The following USH2A variants were observed in gnomAD, a reference collection of about 807,000 sequenced individuals.
The protein encoded by USH2A is usherin, also known as Usher syndrome 2A (autosomal recessive, mild).
USH2A carries 443 observed loss-of-function variants against 538.9 expected under a neutral mutation model. The ratio of observed to expected loss-of-function variants is 0.82; its 90% CI spans 0.76 to 0.89. USH2A has a LOEUF of 0.89. Ranked by LOEUF, USH2A falls within the 40% of genes least tolerant of loss-of-function variation. USH2A has a pLI of 0.00. For missense variants in USH2A, 6,633 were observed against 6,324.8 expected, an observed-to-expected ratio of 1.05 and a Z score of -1.65; for synonymous variants, 2,413 against 2,273.5, an observed-to-expected ratio of 1.06 and a Z score of -1.75.
chr1:215,935,180 G>A (rs1666462931), intron 37 of USH2A, among the ~76,000 whole-genome samples: 1 of 151,878 alleles, frequency 6.6e-6, no homozygotes. Context: ...AAAAATCCCT[G>A]AATTTTTTTG....
chr1:215,901,031 CATTTA>C, intron 38 of USH2A, 126 bp from the exon 39 acceptor site: 1 of 1,160,114 alleles, frequency 8.6e-7, no homozygotes, highest in South Asian at 1.3e-5. Context: ...AAACATGGTC[CATTTA>C]ATTTAACATT....
chr1:216,088,969 C>T lies in USH2A; in HGVS notation c.4885+44G>A, dbSNP rs776157332. On this transcript the variant is annotated intron_variant, in intron 23 of 71. Coordinates refer to ENST00000307340, the MANE Select transcript of USH2A (RefSeq NM_206933.4). ...AAACAACAGAAAAGTATGGCAACAC[C>T]AACATATCAACAGGGCTATTTATAC... The T allele has an allele frequency of 1.5e-5, 24 of 1,610,696 alleles. 1 individual carries two copies. Among genetic ancestry groups the T allele is most frequent in the Non-Finnish European group, 1.8e-5 (21 of 1,178,160 alleles).
At chr1:216,365,719 C>G (rs2038583948) in intron 3 of USH2A, among the ~76,000 whole-genome samples, 1 of 151,810 alleles carries the variant, frequency 6.6e-6, no homozygotes, top group Non-Finnish European at 1.5e-5. Flanking sequence ...GTTTTTTTCT[C>G]TGCAAGTCAA....
At chr1:215,972,582 A>G (rs949141478) in intron 35 of USH2A, among the ~76,000 whole-genome samples, 2 of 152,160 alleles carry the variant, frequency 1.3e-5, no homozygotes, top group African/African-American at 2.4e-5. Context: ...TCTTATACCA[A>G]TCAGATCTAG....
chr1:215,944,880 T>G (rs185339080), intron 37 of USH2A, among the ~76,000 whole-genome samples: 1 of 152,192 alleles, frequency 6.6e-6, no homozygotes. Flanking sequence ...CTAGTGAAAA[T>G]TAGTAAATGG....
At chr1:216,071,305 A>G (rs1368146394) in intron 29 of USH2A, among the ~76,000 whole-genome samples, 1 of 152,186 alleles carries the variant, frequency 6.6e-6, no homozygotes, top group Non-Finnish European at 1.5e-5. Flanking sequence ...GAAACACCAA[A>G]GGGGAGAACC....
chr1:216,187,343 C>A (rs1325185199), intron 20 of USH2A, among the ~76,000 whole-genome samples: 2 of 151,754 alleles, frequency 1.3e-5, no homozygotes, highest in Non-Finnish European at 2.9e-5. Context: ...AAATAGTAAG[C>A]CCTCAAGAGA....
chr1:216,050,566 T>TTC (rs1466107779), intron 30 of USH2A, among the ~76,000 whole-genome samples: 1 of 37,338 alleles, frequency 2.7e-5, no homozygotes, highest in African/African-American at 9.5e-5. Flanking sequence ...ATCTTTTTCT[T>TTC]TCTTTCTTTC....
intron 14 of USH2A, among the ~76,000 whole-genome samples, chr1:216,220,300 T>C (rs544630607): frequency 1.3e-5 from 2 of 151,446 alleles, no homozygotes; most frequent in East Asian, 1.9e-4. Context: ...ATAACATTCA[T>C]TGAGGGCCAG....
chr1:216,191,084 T>C (rs1388543031), intron 19 of USH2A, among the ~76,000 whole-genome samples: 1 of 152,014 alleles, frequency 6.6e-6, no homozygotes, highest in African/African-American at 2.4e-5. Flanking sequence ...TGAGAGTTGG[T>C]TCTGTCATTA....
chr1:215,854,656 T>G (rs1411672253), intron 44 of USH2A, among the ~76,000 whole-genome samples: 1 of 152,182 alleles, frequency 6.6e-6, no homozygotes, highest in African/African-American at 2.4e-5. Flanking sequence ...CACGGCAAAG[T>G]GCACGGAGCT....
At chr1:215,681,255 A>C (rs1037622311) in intron 61 of USH2A, among the ~76,000 whole-genome samples, 2 of 152,078 alleles carry the variant, frequency 1.3e-5, no homozygotes, top group Non-Finnish European at 2.9e-5. Context: ...CTGGACTGAA[A>C]GGATATGTCC....
rs777267938 is a variant in USH2A, at chr1:215,728,078, G to A, written c.12018C>T (p.Pro4006=). The stretch of plus-strand genomic sequence containing the variant: ...TAGGGCTGTTAAATGTAGGATCGTC[G>A]GGTCTCTCCTGGTAGACCACACGGT... ...SHYRVVYQER[P]DDPTFNSPTV... The change falls in exon 61 of 72, where the codon CCC becomes CCT. Residue 4006 remains proline, a synonymous_variant. Transcript: ENST00000307340. The A allele has an allele frequency of 1.1e-5, 17 of 1,613,984 alleles. No homozygotes were observed. Among genetic ancestry groups the A allele is most frequent in the African/African-American group, 4.0e-5 (3 of 74,878 alleles).
chr1:215,650,288 TAATTAAATTA>T (rs758992047), intron 65 of USH2A, among the ~76,000 whole-genome samples: 2 of 152,222 alleles, frequency 1.3e-5, no homozygotes, highest in Non-Finnish European at 2.9e-5. Context: ...ATCTGTTTTC[TAATTAAATTA>T]AATTAAATTA....
At chr1:215,789,835 G>T (rs2102769600) in intron 51 of USH2A, among the ~76,000 whole-genome samples, 1 of 152,168 alleles carries the variant, frequency 6.6e-6, no homozygotes, top group East Asian at 1.9e-4. Flanking sequence ...CTGAAGTGCT[G>T]GGTAAAGCTT....
intron 62 of USH2A, among the ~76,000 whole-genome samples, chr1:215,676,784 C>CT (rs888787748): frequency 6.6e-6 from 1 of 152,042 alleles, no homozygotes; most frequent in Admixed American, 6.6e-5. Context: ...CTGTGACCCC[C>CT]CAAGCACCCC....
chr1:216,241,446 T>C (rs1020438111), intron 13 of USH2A, among the ~76,000 whole-genome samples: 2 of 152,168 alleles, frequency 1.3e-5, no homozygotes, highest in Non-Finnish European at 2.9e-5. Context: ...ATAATAATAC[T>C]AAATTTTCTT....
intron 65 of USH2A, among the ~76,000 whole-genome samples, chr1:215,649,381 C>T (rs1656972554): frequency 1.3e-5 from 2 of 152,140 alleles, no homozygotes; most frequent in African/African-American, 4.8e-5. Context: ...TTTTTAACCT[C>T]ATTGTGGTTT....
intron 15 of USH2A, among the ~76,000 whole-genome samples, chr1:216,213,711 C>T (rs148807098): frequency 6.6e-6 from 1 of 150,544 alleles, no homozygotes. Context: ...AAAAACATGA[C>T]CCATAAAGGA....
Sources: allele counts gnomAD v4.1 joint callset (sites outside exome capture counted in the v4.1 genomes callset), GRCh38; gene constraint gnomAD v4.1.1; transcripts MANE v1.5; gene names NCBI Gene and HGNC (gene_info 2026-07-23, HGNC 2026-07-21).